Variants in AGBL1 observed in about 807,000 individuals in gnomAD.
The protein encoded by AGBL1 is cytosolic carboxypeptidase 4.
A neutral mutation model predicts 118.9 loss-of-function variants in AGBL1; 130 were observed. That is an observed-to-expected ratio of 1.09 (90% CI 0.95 to 1.26). AGBL1 has a LOEUF of 1.26. Among genes scored for constraint, AGBL1 ranks in the 50% most tolerant of loss-of-function variants. AGBL1 has a pLI of 0.00. For synonymous variants in AGBL1, 555 were observed against 478.9 expected, an observed-to-expected ratio of 1.16 and a Z score of -2.08; for missense variants, 1,584 against 1,298.1, an observed-to-expected ratio of 1.22 and a Z score of -3.38.
At position 86,996,320 on chromosome 15, in the gene AGBL1, A is replaced by C. The variant is rs536388616; in HGVS notation, c.3323+8232A>C. Among the ~76,000 whole-genome samples, 43 of 152,258 alleles carry C rather than the reference A, an allele frequency of 2.8e-4. 2 individuals are homozygous for C. In the East Asian group the frequency reaches 8.1e-3, roughly 29 times the overall value. ...AAACCCATGTCCTGCACCTTTCCAG[A>C]TACTAAGCCCCCCTCCCAAGGAAGT... is the stretch of plus-strand genomic sequence containing the variant. On this transcript the variant is annotated intron_variant, in intron 24 of 24. Transcript: ENST00000441037.
intron 1 of AGBL1, among the ~76,000 whole-genome samples, chr15:86,117,489 T>C (rs12914656): frequency 0.12 from 18,065 of 152,168 alleles, 1,171 homozygotes; most frequent in East Asian, 0.25. Flanking sequence ...TTCTATGACC[T>C]AGATACTTTA....
At chr15:86,977,044 AGTTACATCT>A (rs1449250871) in intron 23 of AGBL1, among the ~76,000 whole-genome samples, 1 of 151,926 alleles carries the variant, frequency 6.6e-6, no homozygotes, top group Non-Finnish European at 1.5e-5. Context: ...ATATAGTGAA[AGTTACATCT>A]TTTATTGTTC....
intron 5 of AGBL1, among the ~76,000 whole-genome samples, chr15:86,190,999 T>C (rs566183906): frequency 6.6e-6 from 1 of 152,030 alleles, no homozygotes; most frequent in Non-Finnish European, 1.5e-5. Flanking sequence ...AAGGGTAGGA[T>C]GCCAAAACAA....
Position 86,102,040 on chromosome 15 carries a change from C to CT in AGBL1, c.51+22031dup, listed in dbSNP as rs199502531. On this transcript the variant is annotated intron_variant, in intron 1 of 22. Transcript: ENST00000614907. The stretch of plus-strand genomic sequence containing the variant: ...ATTTGAATCCTTTCTCTCTCTCTCT[C>CT]TTTTTTTTTTTTTTAATTGAGATGG... Among the ~76,000 whole-genome samples, 676 of 141,462 alleles carry CT rather than the reference C, an allele frequency of 4.8e-3. 5 individuals are homozygous for CT. Among genetic ancestry groups the CT allele is most frequent in the East Asian group, 0.047 (233 of 4,930 alleles). 92.8% of individuals were successfully genotyped at this position (141,462 alleles called of 152,430 possible). A position where few individuals can be genotyped will look rare whatever the true frequency, so the allele number is the denominator to read the frequency against.
chr15:86,561,794 T>G (rs2083825906), intron 21 of AGBL1, among the ~76,000 whole-genome samples: 1 of 152,240 alleles, frequency 6.6e-6, no homozygotes, highest in Non-Finnish European at 1.5e-5. Flanking sequence ...GAGCATGGAA[T>G]GTTCTTCCAT....
chr15:86,537,539 A>G (rs1295445057), intron 19 of AGBL1, among the ~76,000 whole-genome samples: 3 of 152,354 alleles, frequency 2.0e-5, no homozygotes, highest in Non-Finnish European at 4.4e-5. Context: ...CATTAGGCTT[A>G]CCACTCATGG....
chr15:86,230,379 T>C (rs1360265370), intron 6 of AGBL1, among the ~76,000 whole-genome samples: 1 of 151,962 alleles, frequency 6.6e-6, no homozygotes, highest in African/African-American at 2.4e-5. Flanking sequence ...ATTCTAAGAG[T>C]TCCAAGGAGT....
chr15:86,547,961 A>C (rs1278549591), intron 20 of AGBL1, among the ~76,000 whole-genome samples: 1 of 152,148 alleles, frequency 6.6e-6, no homozygotes, highest in Non-Finnish European at 1.5e-5. Context: ...GGTCCCACAT[A>C]GTATATAACT....
chr15:86,511,279 T>A (rs539158175), intron 18 of AGBL1, among the ~76,000 whole-genome samples: 1 of 152,142 alleles, frequency 6.6e-6, no homozygotes, highest in East Asian at 1.9e-4. Context: ...CATCCATTTT[T>A]AAAATATTAA....
At chr15:86,757,997 A>C (rs574950362) in intron 22 of AGBL1, among the ~76,000 whole-genome samples, 36 of 152,256 alleles carry the variant, frequency 2.4e-4, no homozygotes, top group African/African-American at 8.4e-4. Flanking sequence ...TATTTAAAGC[A>C]TGGAGGGGAT....
intron 1 of AGBL1, among the ~76,000 whole-genome samples, chr15:86,139,215 C>T (rs1671828789): frequency 6.6e-6 from 1 of 152,146 alleles, no homozygotes; most frequent in Non-Finnish European, 1.5e-5. Context: ...TTAGAGGAAA[C>T]CCAAGTCTTT....
chr15:86,423,276 C>T (rs149386587), intron 18 of AGBL1, among the ~76,000 whole-genome samples: 1 of 151,846 alleles, frequency 6.6e-6, no homozygotes, highest in African/African-American at 2.4e-5. Flanking sequence ...GCAACATATG[C>T]AAATCAATAA....
chr15:86,975,670 T>C (rs1014679973), intron 23 of AGBL1, among the ~76,000 whole-genome samples: 15 of 152,190 alleles, frequency 9.9e-5, no homozygotes, highest in Non-Finnish European at 2.1e-4. Flanking sequence ...AGTGGACTTT[T>C]GCAAATGATG....
At chr15:86,787,992 G>A (rs777135255) in intron 22 of AGBL1, among the ~76,000 whole-genome samples, 1 of 152,000 alleles carries the variant, frequency 6.6e-6, no homozygotes, top group Non-Finnish European at 1.5e-5. Context: ...CTTTTTGAAG[G>A]CCACCTTCTT....
intron 12 of AGBL1, 136 bp from the exon 13 acceptor site, chr15:86,266,854 T>TC (rs1275490094): frequency 1.3e-6 from 1 of 761,620 alleles, no homozygotes; most frequent in East Asian, 2.8e-5. Flanking sequence ...TGAGCTGACA[T>TC]CCCGCCCTGC....
At chr15:86,482,649 G>A (rs1233772767) in intron 18 of AGBL1, among the ~76,000 whole-genome samples, 1 of 152,046 alleles carries the variant, frequency 6.6e-6, no homozygotes, top group Non-Finnish European at 1.5e-5. Flanking sequence ...TGCATAACAT[G>A]AGGAGAGGAA....
intron 17 of AGBL1, among the ~76,000 whole-genome samples, chr15:86,322,363 TG>T (rs2080117037): frequency 6.6e-6 from 1 of 152,110 alleles, no homozygotes; most frequent in South Asian, 2.1e-4. Context: ...ATTATTATAC[TG>T]TATTTTTCTA....
intron 19 of AGBL1, among the ~76,000 whole-genome samples, chr15:86,533,707 C>G (rs1314221190): frequency 1.6e-5 from 2 of 121,492 alleles, no homozygotes; most frequent in African/African-American, 8.2e-5. Flanking sequence ...GACTTGGAAC[C>G]AACCCAAATG....
At chr15:86,140,833 G>A (rs987909578) in intron 1 of AGBL1, among the ~76,000 whole-genome samples, 41 of 152,316 alleles carry the variant, frequency 2.7e-4, no homozygotes, top group Middle Eastern at 3.4e-3. Flanking sequence ...AAGGGGTTCC[G>A]TGTTGATGAA....
Sources: allele counts gnomAD v4.1 joint callset (sites outside exome capture counted in the v4.1 genomes callset), GRCh38; gene constraint gnomAD v4.1.1; transcripts MANE v1.5; gene names NCBI Gene and HGNC (gene_info 2026-07-23, HGNC 2026-07-21).